CHSY1: variants seen among roughly 807,000 people sequenced by gnomAD.
The protein encoded by CHSY1 is chondroitin sulfate synthase 1, also known as N-acetylgalactosaminyl-proteoglycan 3-beta-glucuronosyltransferase 1.
A neutral mutation model predicts 59.8 loss-of-function variants in CHSY1; 13 were observed. That is an observed-to-expected ratio of 0.22 (90% CI 0.14 to 0.35). The LOEUF is 0.35. Among genes scored for constraint, CHSY1 ranks in the 10% least tolerant of loss-of-function variants. The pLI is 1.00. For missense variants in CHSY1, 947 were observed against 1,030.6 expected, an observed-to-expected ratio of 0.92 and a Z score of 1.11; for synonymous variants, 459 against 401.2, an observed-to-expected ratio of 1.14 and a Z score of -1.72.
chr15:101,224,727 A>C (rs1474879106), intron 2 of CHSY1, among the ~76,000 whole-genome samples: 1 of 152,118 alleles, frequency 6.6e-6, no homozygotes, highest in Non-Finnish European at 1.5e-5. Flanking sequence ...ACACGCTTAC[A>C]CTTCTAAACC....
chr15:101,184,640 C>A (rs558187729), intron 2 of CHSY1, among the ~76,000 whole-genome samples: 1 of 152,074 alleles, frequency 6.6e-6, no homozygotes, highest in South Asian at 2.1e-4. Context: ...GTGAGCCACC[C>A]AGCCCGGCCA....
At chr15:101,203,197 G>A (rs2038590819) in intron 2 of CHSY1, among the ~76,000 whole-genome samples, 1 of 152,298 alleles carries the variant, frequency 6.6e-6, no homozygotes, top group Middle Eastern at 3.4e-3. Context: ...GGGGGTGAGG[G>A]AGTATAAAGG....
rs778149481 is a variant in CHSY1, at chr15:101,178,057, C to T, written c.1740G>A (p.Lys580=). Residue 580 remains lysine, a synonymous_variant, in exon 3 of 3, where the codon AAG becomes AAA. Coordinates refer to ENST00000254190, the MANE Select transcript of CHSY1 (RefSeq NM_014918.5). ...LLFNSDSNPD[K]AKQVELMRDY... ...CTCTCATCAGTTCAACTTGTTTGGC[C>T]TTGTCAGGGTTGGAGTCAGAATTGA... is the stretch of plus-strand genomic sequence containing the variant. 6 of 1,614,030 alleles carry T rather than the reference C, an allele frequency of 3.7e-6. No homozygotes were observed. The Admixed American group carries it at 6.7e-5, about 18-fold the overall frequency.
At chr15:101,223,852 C>A (rs1211865183) in intron 2 of CHSY1, among the ~76,000 whole-genome samples, 1 of 152,156 alleles carries the variant, frequency 6.6e-6, no homozygotes. Context: ...GACTTCCACA[C>A]TGGGACTCAG....
chr15:101,209,029 T>C (rs1409219670), intron 2 of CHSY1, among the ~76,000 whole-genome samples: 1 of 152,142 alleles, frequency 6.6e-6, no homozygotes, highest in East Asian at 1.9e-4. Flanking sequence ...GGGTGGGAGT[T>C]TGATGAGGAA....
chr15:101,200,597 C>G (rs1160725919), intron 2 of CHSY1, among the ~76,000 whole-genome samples: 1 of 152,186 alleles, frequency 6.6e-6, no homozygotes, highest in Non-Finnish European at 1.5e-5. Context: ...CCCCTGCACC[C>G]CCAGATGGGT....
intron 1 of CHSY1, among the ~76,000 whole-genome samples, chr15:101,246,048 G>A (rs8032573): frequency 0.31 from 47,761 of 152,052 alleles, 10,382 homozygotes; most frequent in African/African-American, 0.62. Flanking sequence ...CTTCATTTAA[G>A]GCATTAGGAA....
intron 2 of CHSY1, among the ~76,000 whole-genome samples, chr15:101,197,452 A>G (rs1294173564): frequency 6.6e-6 from 1 of 152,204 alleles, no homozygotes; most frequent in Non-Finnish European, 1.5e-5. Context: ...AGGAACCCTA[A>G]GGGAAACGTT....
Position 101,251,066 on chromosome 15 carries a change from G to A in CHSY1, c.320+71C>T, listed in dbSNP as rs569034105. On this transcript the variant is annotated intron_variant, in intron 1 of 2. Transcript: ENST00000254190. ...AGGAAGCGGGCGGAGGCGAGAGCCAGGAGAGCACCCGGGATGCCGGCCGCC... is the reference window on the plus strand; with the variant it reads ...AGGAAGCGGGCGGAGGCGAGAGCCAAGAGAGCACCCGGGATGCCGGCCGCC... 6.2e-4 allele frequency: 887 copies of A among 1,432,000 alleles called. 3 individuals are homozygous for A. Among genetic ancestry groups the A allele is most frequent in the Non-Finnish European group, 7.8e-4 (823 of 1,058,840 alleles). 88.7% of individuals were successfully genotyped at this position (1,432,000 alleles called of 1,614,324 possible).
chr15:101,218,182 C>A (rs559344160), intron 2 of CHSY1, among the ~76,000 whole-genome samples: 1 of 152,344 alleles, frequency 6.6e-6, no homozygotes, highest in African/African-American at 2.4e-5. Context: ...GCCTAAGACA[C>A]TGGCACAGAC....
chr15:101,226,806 T>C (rs1454472861), intron 2 of CHSY1, among the ~76,000 whole-genome samples: 2 of 152,234 alleles, frequency 1.3e-5, no homozygotes, highest in East Asian at 3.9e-4. Context: ...AACTAATTGG[T>C]TGGAAGTCTT....
At position 101,235,288 on chromosome 15, in the gene CHSY1, T is replaced by G. The variant is rs1375054364; in HGVS notation, c.610A>C (p.Thr204Pro). 2 of 1,614,082 alleles carry G rather than the reference T, an allele frequency of 1.2e-6. No individual in the cohort carries two copies. The highest frequency in any genetic ancestry group is 1.7e-6 in the Non-Finnish European group (2 of 1,180,046). Residue 204 changes from threonine to proline, a missense_variant, in exon 2 of 3, where the codon ACG (threonine) becomes CCG (proline). Physicochemically the swap from Thr to Pro is conservative, Grantham distance 38. Around this residue, in one of 4 missense-constraint regions of CHSY1, gnomAD observed 108 missense variants for 144.4 expected, o/e 0.75. Transcript: ENST00000254190. ...LFLGQTGLGT[T>P]EEMGKLALEP... ...AGGGCCAGTTTTCCCATTTCTTCCG[T>G]GGTGCCCAGGCCTGTCTGCCCAAGA...
intron 2 of CHSY1, among the ~76,000 whole-genome samples, chr15:101,201,427 G>T (rs2038573268): frequency 6.6e-6 from 1 of 152,196 alleles, no homozygotes; most frequent in African/African-American, 2.4e-5. Flanking sequence ...AGAAGAGAAA[G>T]GCTCACATGA....
rs1417645148 is a variant in CHSY1, at chr15:101,176,656, C to T, written c.*732G>A. On this transcript the variant is annotated 3_prime_UTR_variant, in exon 3 of 3. Coordinates refer to ENST00000254190, the MANE Select transcript of CHSY1 (RefSeq NM_014918.5). ...TAAAAATACAAAAAAACTAGCTGGG[C>T]GTGGTGGTGTGTGCCTGTAATCCCA... 5 of 336,614 alleles carry T rather than the reference C, an allele frequency of 1.5e-5. No individual in the cohort carries two copies. Among genetic ancestry groups the T allele is most frequent in the Non-Finnish European group, 2.7e-5 (5 of 188,204 alleles). The allele number at this position is 336,614 out of a possible 1,614,324, so 20.9% of individuals were successfully genotyped here.
chr15:101,197,373 A>G (rs1164963438), intron 2 of CHSY1, among the ~76,000 whole-genome samples: 2 of 152,232 alleles, frequency 1.3e-5, no homozygotes, highest in Non-Finnish European at 2.9e-5. Flanking sequence ...TTTAATCACA[A>G]ATGTATTCCC....
chr15:101,192,013 TAGG>T (rs2038451751), intron 2 of CHSY1, among the ~76,000 whole-genome samples: 1 of 152,060 alleles, frequency 6.6e-6, no homozygotes, highest in Admixed American at 6.6e-5. Context: ...TAACAATGAG[TAGG>T]ATTGTTTGTT....
intron 2 of CHSY1, among the ~76,000 whole-genome samples, chr15:101,220,778 G>A (rs1369382046): frequency 6.6e-6 from 1 of 152,178 alleles, no homozygotes; most frequent in African/African-American, 2.4e-5. Flanking sequence ...CTCAGCTTCC[G>A]TGTTTTCTCA....
At position 101,231,603 on chromosome 15, in the gene CHSY1, C is replaced by T. The variant is rs115654299; in HGVS notation, c.816+3479G>A. 6.7e-3 allele frequency among the ~76,000 whole-genome samples: 1,016 copies of T among 152,334 alleles called. 12 individuals carry two copies. Among genetic ancestry groups the T allele is most frequent in the African/African-American group, 0.023 (957 of 41,574 alleles). ...ATCATTACTGTCTACAGCTTCACCC[C>T]TAGTCAAATATGAGAAAATAATAGA... is the stretch of plus-strand genomic sequence containing the variant. On this transcript the variant is annotated intron_variant, in intron 2 of 2. Coordinates refer to ENST00000254190, the MANE Select transcript of CHSY1 (RefSeq NM_014918.5).
intron 2 of CHSY1, chr15:101,188,316 C>T (rs2038397178): frequency 2.6e-6 from 1 of 390,666 alleles, no homozygotes; most frequent in African/African-American, 2.2e-5. Flanking sequence ...AAATTACATT[C>T]TCATATGCTT....
Sources: gnomAD v4.1 joint callset for allele counts (sites outside exome capture counted in the v4.1 genomes callset) on GRCh38, gnomAD v4.1.1 for gene constraint, gnomAD v4.1.1 regional missense constraint, MANE v1.5 for transcripts, NCBI Gene and HGNC (gene_info 2026-07-23, HGNC 2026-07-21) for gene names.